The following TTC28 variants were observed in gnomAD, a reference collection of about 807,000 sequenced individuals.
TTC28 encodes tetratricopeptide repeat protein 28.
Under a neutral mutation model 198.0 loss-of-function variants are expected in TTC28, and 61 were observed. The observed-to-expected ratio is 0.31, with a 90% CI of 0.25 to 0.38. The LOEUF (loss-of-function observed/expected upper bound fraction) is 0.38. Ranked by LOEUF, TTC28 falls within the 10% of genes least tolerant of loss-of-function variation. TTC28 has a pLI of 1.00. For missense variants in TTC28, 2,678 were observed against 3,164.0 expected (o/e 0.85, Z 3.69); for synonymous variants, 1,171 against 1,297.8 (o/e 0.90, Z 2.10).
chr22:28,383,162 G>T (rs547793065), intron 2 of TTC28, among the ~76,000 whole-genome samples: 1 of 152,154 alleles, frequency 6.6e-6, no homozygotes, highest in African/African-American at 2.4e-5. Context: ...TTCATTCACT[G>T]GCCATTATTT....
chr22:28,341,901 C>A (rs964393446), intron 2 of TTC28, among the ~76,000 whole-genome samples: 2 of 152,100 alleles, frequency 1.3e-5, no homozygotes, highest in South Asian at 2.1e-4. Context: ...ATGGCTCGGG[C>A]CCAGGAGTTC....
chr22:28,598,318 G>A (rs1477476295), intron 2 of TTC28, among the ~76,000 whole-genome samples: 1 of 151,652 alleles, frequency 6.6e-6, no homozygotes, highest in Non-Finnish European at 1.5e-5. Context: ...AGACCATCCT[G>A]GCTAACATGG....
chr22:28,298,645 C>T (rs1009620025), intron 3 of TTC28, among the ~76,000 whole-genome samples: 1 of 152,096 alleles, frequency 6.6e-6, no homozygotes, highest in African/African-American at 2.4e-5. Flanking sequence ...GAGATGAGGT[C>T]TCATTAGGTT....
chr22:28,035,770 C>T (rs1363545276), intron 12 of TTC28, among the ~76,000 whole-genome samples: 1 of 152,118 alleles, frequency 6.6e-6, no homozygotes, highest in Non-Finnish European at 1.5e-5. Context: ...TTTTTTCTTA[C>T]TGACAATTAG....
intron 12 of TTC28, among the ~76,000 whole-genome samples, chr22:28,067,613 G>T (rs1940811034): frequency 6.6e-6 from 1 of 152,148 alleles, no homozygotes; most frequent in Admixed American, 6.5e-5. Flanking sequence ...GAAAGGAACT[G>T]TGTTTTTGCT....
At chr22:28,562,625 G>GA (rs1333402866) in intron 2 of TTC28, among the ~76,000 whole-genome samples, 7 of 150,482 alleles carry the variant, frequency 4.7e-5, no homozygotes, top group South Asian at 2.1e-4. Flanking sequence ...GGGAGTAGCT[G>GA]AAAAAAAAAG....
chr22:28,191,233 A>C (rs893479952), intron 5 of TTC28, among the ~76,000 whole-genome samples: 1 of 152,248 alleles, frequency 6.6e-6, no homozygotes, highest in African/African-American at 2.4e-5. Context: ...AGGTGCCTTC[A>C]AAAATCCTGG....
intron 6 of TTC28, among the ~76,000 whole-genome samples, chr22:28,140,360 A>G (rs932820102): frequency 2.6e-5 from 4 of 152,190 alleles, no homozygotes; most frequent in Non-Finnish European, 4.4e-5. Context: ...ACGGCTCTAG[A>G]ACTAATAAGG....
intron 13 of TTC28, among the ~76,000 whole-genome samples, chr22:28,022,103 G>A (rs1352945253): frequency 1.3e-5 from 2 of 152,246 alleles, no homozygotes; most frequent in African/African-American, 4.8e-5. Context: ...ATGCAGTCAG[G>A]CAGCAGAAAG....
At chr22:28,521,850 G>C (rs554833588) in intron 2 of TTC28, among the ~76,000 whole-genome samples, 1 of 152,310 alleles carries the variant, frequency 6.6e-6, no homozygotes, top group African/African-American at 2.4e-5. Context: ...GAGGAGACGG[G>C]AATTGGAATT....
chr22:28,537,270 G>A (rs2049300535), intron 2 of TTC28, among the ~76,000 whole-genome samples: 1 of 113,730 alleles, frequency 8.8e-6, no homozygotes, highest in Non-Finnish European at 2.0e-5. Context: ...TCCAGCCTGG[G>A]CGACAGAGCC....
At chr22:28,253,926 GA>G (rs1396402836) in intron 5 of TTC28, among the ~76,000 whole-genome samples, 1 of 152,048 alleles carries the variant, frequency 6.6e-6, no homozygotes, top group Non-Finnish European at 1.5e-5. Flanking sequence ...CCAACATGGT[GA>G]AACTTTGTCT....
At chr22:28,191,003 T>C (rs1351758161) in intron 5 of TTC28, among the ~76,000 whole-genome samples, 1 of 152,192 alleles carries the variant, frequency 6.6e-6, no homozygotes, top group African/African-American at 2.4e-5. Flanking sequence ...TGCATATGAA[T>C]CTAACCCCTA....
At chr22:28,538,554 CTCT>C in intron 2 of TTC28, among the ~76,000 whole-genome samples, 1 of 135,820 alleles carries the variant, frequency 7.4e-6, no homozygotes, top group Non-Finnish European at 1.6e-5. Flanking sequence ...TAGCACCTTT[CTCT>C]TTTTTTTTTT....
intron 6 of TTC28, among the ~76,000 whole-genome samples, chr22:28,144,475 T>A (rs1943414522): frequency 6.6e-6 from 1 of 152,238 alleles, no homozygotes; most frequent in South Asian, 2.1e-4. Context: ...CAACTGGCAG[T>A]TTTCTTTCTT....
chr22:28,338,558 A>C (rs1318103565), intron 2 of TTC28, among the ~76,000 whole-genome samples: 1 of 152,000 alleles, frequency 6.6e-6, no homozygotes, highest in African/African-American at 2.4e-5. Context: ...TTTTTCCTCT[A>C]AACTTCTCTT....
intron 6 of TTC28, among the ~76,000 whole-genome samples, chr22:28,162,305 C>T (rs547915552): frequency 1.4e-3 from 218 of 152,266 alleles, no homozygotes; most frequent in African/African-American, 4.9e-3. Flanking sequence ...TTTGCATTTA[C>T]ATTAAAACTA....
At chr22:28,185,230 A>C (rs1375601969) in intron 5 of TTC28, among the ~76,000 whole-genome samples, 1 of 152,110 alleles carries the variant, frequency 6.6e-6, no homozygotes, top group Non-Finnish European at 1.5e-5. Flanking sequence ...GCTGTTTCTG[A>C]GTTGCCATCT....
At chr22:28,514,555 G>C (rs1248756453) in intron 2 of TTC28, among the ~76,000 whole-genome samples, 1 of 152,214 alleles carries the variant, frequency 6.6e-6, no homozygotes, top group Non-Finnish European at 1.5e-5. Flanking sequence ...ATTAAGAAGA[G>C]AAAACCTTAC....
Sources: gnomAD v4.1 joint callset for allele counts (sites outside exome capture counted in the v4.1 genomes callset) on GRCh38, gnomAD v4.1.1 for gene constraint, MANE v1.5 for transcripts, NCBI Gene and HGNC (gene_info 2026-07-23, HGNC 2026-07-21) for gene names.